Variants in CNOT4 observed in about 807,000 individuals in gnomAD.
CNOT4 encodes CCR4-NOT transcription complex subunit 4.
Under a neutral mutation model 73.8 loss-of-function variants are expected in CNOT4, and 8 were observed. The observed-to-expected ratio is 0.11, with a 90% CI of 0.06 to 0.20. The LOEUF (loss-of-function observed/expected upper bound fraction) is 0.20. CNOT4 is among the 10% of genes least tolerant of loss of function. The probability of loss-of-function intolerance (pLI) is 1.00; values close to 1 mark genes in which losing one functional copy is unlikely to be tolerated. For missense variants in CNOT4, 564 were observed against 883.4 expected, an observed-to-expected ratio of 0.64 and a Z score of 4.58; for synonymous variants, 293 against 321.1, an observed-to-expected ratio of 0.91 and a Z score of 0.94.
chr7:135,468,235 AAAATAAAT>A (rs548813436), intron 1 of CNOT4, among the ~76,000 whole-genome samples: 1 of 152,030 alleles, frequency 6.6e-6, no homozygotes, highest in Admixed American at 6.5e-5. Context: ...AAATGAAATA[AAAATAAAT>A]AAATAAATAA....
chr7:135,382,215 A>G (rs1795883967), intron 10 of CNOT4, among the ~76,000 whole-genome samples: 1 of 152,230 alleles, frequency 6.6e-6, no homozygotes, highest in Admixed American at 6.5e-5. Context: ...AAGACTCTCT[A>G]AAAGACCAAA....
At chr7:135,493,483 G>C (rs1425958435) in intron 1 of CNOT4, among the ~76,000 whole-genome samples, 3 of 152,184 alleles carry the variant, frequency 2.0e-5, no homozygotes, top group Non-Finnish European at 4.4e-5. Flanking sequence ...TTCAGAGAAA[G>C]ACAAACAAGG....
chr7:135,454,783 C>T (rs1485361490), intron 1 of CNOT4, among the ~76,000 whole-genome samples: 2 of 151,636 alleles, frequency 1.3e-5, no homozygotes, highest in African/African-American at 4.8e-5. Flanking sequence ...TCCCAGGGGG[C>T]TGAGGCACAA....
chr7:135,461,704 C>A (rs1477052529), intron 1 of CNOT4, among the ~76,000 whole-genome samples: 2 of 152,084 alleles, frequency 1.3e-5, no homozygotes, highest in East Asian at 3.9e-4. Flanking sequence ...TGGTGGTGCA[C>A]CCCTATAATT....
chr7:135,460,582 A>G (rs907564731), intron 1 of CNOT4, among the ~76,000 whole-genome samples: 1 of 152,166 alleles, frequency 6.6e-6, no homozygotes, highest in Non-Finnish European at 1.5e-5. Context: ...GCATCTCAAA[A>G]CAGCTATAAT....
chr7:135,383,711 A>G (rs758235235), intron 10 of CNOT4, among the ~76,000 whole-genome samples: 1 of 152,190 alleles, frequency 6.6e-6, no homozygotes, highest in Non-Finnish European at 1.5e-5. Flanking sequence ...ATCATTTAGC[A>G]TTGAGTGGTT....
At chr7:135,503,130 G>T (rs1194573499) in intron 1 of CNOT4, among the ~76,000 whole-genome samples, 1 of 151,570 alleles carries the variant, frequency 6.6e-6, no homozygotes, top group Non-Finnish European at 1.5e-5. Flanking sequence ...CTTTAGCCTG[G>T]GTGACAGAGT....
At position 135,464,024 on chromosome 7, in the gene CNOT4, CA is replaced by C. The variant is rs747402254; in HGVS notation, c.-92-25602del. On this transcript the variant is annotated intron_variant, in intron 1 of 11. Transcript: ENST00000541284. ...ATCAGGATGGCTATTATTAAAAAGT[CA>C]AAAAAAAAAAAAAAACAGATGGTGG... Among the ~76,000 whole-genome samples the C allele has an allele frequency of 5.8e-3, 634 of 109,556 alleles. 13 individuals carry two copies. Among genetic ancestry groups the C allele is most frequent in the East Asian group, 0.025 (98 of 3,878 alleles). 71.9% of individuals were successfully genotyped at this position (109,556 alleles called of 152,430 possible). A position where few individuals can be genotyped will look rare whatever the true frequency, so the allele number is the denominator to read the frequency against.
intron 3 of CNOT4, among the ~76,000 whole-genome samples, chr7:135,420,019 T>C (rs554383613): frequency 1.4e-5 from 2 of 142,268 alleles, no homozygotes; most frequent in East Asian, 4.2e-4. Context: ...TGCACTGCAC[T>C]CCAGCCTGGG....
intron 1 of CNOT4, chr7:135,508,976 G>A (rs749464357): frequency 3.9e-5 from 6 of 152,204 alleles, no homozygotes; most frequent in Non-Finnish European, 8.8e-5. Flanking sequence ...GAGCGAATAA[G>A]CGACAAATAG....
intron 10 of CNOT4, among the ~76,000 whole-genome samples, chr7:135,372,555 GT>G (rs10617849): frequency 6.4e-3 from 766 of 119,242 alleles, no homozygotes; most frequent in Middle Eastern, 9.3e-3. Flanking sequence ...TTGCTACCAT[GT>G]TTTTTTTTTT....
At chr7:135,387,936 T>C in intron 10 of CNOT4, 8 of 963,848 alleles carry the variant, frequency 8.3e-6, no homozygotes, top group Non-Finnish European at 8.6e-6. Context: ...ATTTTAATTA[T>C]TAAACAATGA....
chr7:135,418,360 G>C (rs1047371770), intron 3 of CNOT4, among the ~76,000 whole-genome samples: 1 of 152,140 alleles, frequency 6.6e-6, no homozygotes, highest in Non-Finnish European at 1.5e-5. Context: ...TCAATATCAC[G>C]ATGTCCTTCA....
At chr7:135,487,180 TG>T (rs1802775919) in intron 1 of CNOT4, among the ~76,000 whole-genome samples, 1 of 150,932 alleles carries the variant, frequency 6.6e-6, no homozygotes, top group Admixed American at 6.6e-5. Context: ...TTTAGCTTGT[TG>T]GCCCAATCTT....
Position 135,373,816 on chromosome 7 carries a change from G to A in CNOT4, c.1628-9750C>T, listed in dbSNP as rs139412273. On this transcript the variant is annotated intron_variant, in intron 10 of 11. Transcript: ENST00000541284. Reference sequence around the variant, plus strand: ...AGGCTGGTCTCGAACTCCTGACCTCGGATGATCTGCCTGCCTTGCCTCCCA... The same window carrying A: ...AGGCTGGTCTCGAACTCCTGACCTCAGATGATCTGCCTGCCTTGCCTCCCA... Among the ~76,000 whole-genome samples, 471 of 151,988 alleles carry A rather than the reference G, an allele frequency of 3.1e-3. 3 individuals carry two copies. The highest frequency in any genetic ancestry group is 0.01 in the African/African-American group (429 of 41,460).
At chr7:135,495,152 A>G (rs1236459925) in intron 1 of CNOT4, among the ~76,000 whole-genome samples, 1 of 152,178 alleles carries the variant, frequency 6.6e-6, no homozygotes, top group African/African-American at 2.4e-5. Flanking sequence ...AACATATACA[A>G]TACATATTCC....
At chr7:135,412,121 T>C (rs1797619037) in intron 6 of CNOT4, among the ~76,000 whole-genome samples, 1 of 152,068 alleles carries the variant, frequency 6.6e-6, no homozygotes, top group African/African-American at 2.4e-5. Context: ...TTTTAAAACA[T>C]GAAAAGTCTT....
chr7:135,456,108 CA>C (rs764084277), intron 1 of CNOT4, among the ~76,000 whole-genome samples: 1 of 152,210 alleles, frequency 6.6e-6, no homozygotes, highest in Non-Finnish European at 1.5e-5. Flanking sequence ...TCAAACATTA[CA>C]ATTACTCTAC....
chr7:135,433,482 G>A (rs1409036453), intron 2 of CNOT4, among the ~76,000 whole-genome samples: 3 of 148,220 alleles, frequency 2.0e-5, no homozygotes, highest in Admixed American at 6.8e-5. Flanking sequence ...TTAGCCTCCC[G>A]AGTAGCTGGG....
Sources: gnomAD v4.1 joint callset for allele counts (sites outside exome capture counted in the v4.1 genomes callset) on GRCh38, gnomAD v4.1.1 for gene constraint, MANE v1.5 for transcripts, NCBI Gene and HGNC (gene_info 2026-07-23, HGNC 2026-07-21) for gene names.